Variants in NAA15 observed in about 807,000 individuals in gnomAD.
The protein encoded by NAA15 is N-alpha-acetyltransferase 15, NatA auxiliary subunit, also known as N-terminal acetyltransferase.
Under a neutral mutation model 114.0 loss-of-function variants are expected in NAA15, and 34 were observed. The ratio of observed to expected loss-of-function variants is 0.30; its 90% CI spans 0.23 to 0.40. The LOEUF (loss-of-function observed/expected upper bound fraction) is 0.40. NAA15 is among the 10% of genes least tolerant of loss of function. The pLI is 1.00. For missense variants in NAA15, 658 were observed against 1,004.5 expected, an observed-to-expected ratio of 0.66 and a Z score of 4.66; for synonymous variants, 340 against 338.0, an observed-to-expected ratio of 1.01 and a Z score of -0.06.
At chr4:139,322,890 C>T (rs929443619) in intron 1 of NAA15, among the ~76,000 whole-genome samples, 6 of 151,802 alleles carry the variant, frequency 4.0e-5, no homozygotes, top group South Asian at 4.1e-4. Context: ...TGGGTTTCAC[C>T]GTGTTGGCCA....
chr4:139,361,981 G>A (rs1205494324), intron 14 of NAA15, 44 bp downstream of exon 14: 5 of 1,339,670 alleles, frequency 3.7e-6, no homozygotes, highest in Non-Finnish European at 5.3e-6. Context: ...GTGTTTATGT[G>A]TATTTATGTG....
intron 6 of NAA15, 71 bp from the exon 7 acceptor site, chr4:139,349,391 G>C (rs987486877): frequency 7.6e-5 from 103 of 1,359,416 alleles, no homozygotes; most frequent in Non-Finnish European, 1.0e-4. Flanking sequence ...GAAATTTTGA[G>C]GAAAAGTTAA....
chr4:139,309,139 G>A (rs1746128875), intron 1 of NAA15, among the ~76,000 whole-genome samples: 1 of 151,322 alleles, frequency 6.6e-6, no homozygotes, highest in African/African-American at 2.4e-5. Flanking sequence ...CCTGAGGTCA[G>A]GAGTTAGAGA....
At chr4:139,329,078 T>C (rs1746909458) in intron 1 of NAA15, among the ~76,000 whole-genome samples, 1 of 151,410 alleles carries the variant, frequency 6.6e-6, no homozygotes, top group Admixed American at 6.6e-5. Flanking sequence ...GACAAGGTTT[T>C]GCCATGTTGG....
At chr4:139,319,741 T>C (rs1746537744) in intron 1 of NAA15, among the ~76,000 whole-genome samples, 1 of 152,154 alleles carries the variant, frequency 6.6e-6, no homozygotes, top group Non-Finnish European at 1.5e-5. Context: ...CCAAGTTCTA[T>C]TTCTTAATAT....
chr4:139,309,790 TC>T (rs1746156408), intron 1 of NAA15, among the ~76,000 whole-genome samples: 3 of 152,236 alleles, frequency 2.0e-5, no homozygotes, highest in African/African-American at 7.2e-5. Context: ...AGTTCAGTTT[TC>T]AATAGTAGTA....
chr4:139,330,652 G>A (rs1045904604), intron 1 of NAA15, among the ~76,000 whole-genome samples: 14 of 152,156 alleles, frequency 9.2e-5, no homozygotes, highest in African/African-American at 3.4e-4. Flanking sequence ...TGAAGACTTG[G>A]TGCAGAATAC....
rs543105879 is a variant in NAA15, at chr4:139,309,635, A to G, written c.54+7804A>G. 7.6e-4 allele frequency among the ~76,000 whole-genome samples: 115 copies of G among 152,198 alleles called. 1 individual carries two copies. The highest frequency in any genetic ancestry group is 3.4e-3 in the Middle Eastern group (1 of 294). On this transcript the variant is annotated intron_variant, in intron 1 of 19. Coordinates refer to ENST00000296543, the MANE Select transcript of NAA15 (RefSeq NM_057175.5). ...TGAGATGCAGTATGAATGAACAAAT[A>G]TATGTTTTTGTTTTAAACTGACAGC...
rs1748735163 is a variant in NAA15 at position 139,380,951 on chromosome 4, A to G, written c.2155+2097A>G. Among the ~76,000 whole-genome samples the G allele has an allele frequency of 2.6e-5, 4 of 152,334 alleles. No individual in the cohort carries two copies. In the South Asian group the frequency reaches 8.3e-4, roughly 32 times the overall value. On this transcript the variant is annotated intron_variant, in intron 17 of 19. Transcript: ENST00000296543. ...TTTAGAAGTAATTTCTCAGGAATACATTTGTCATGTTAAGATATACTGTTG... is the reference window on the plus strand; with the variant it reads ...TTTAGAAGTAATTTCTCAGGAATACGTTTGTCATGTTAAGATATACTGTTG...
chr4:139,338,620 G>C (rs1228075765), intron 3 of NAA15, among the ~76,000 whole-genome samples: 2 of 152,098 alleles, frequency 1.3e-5, no homozygotes, highest in African/African-American at 4.8e-5. Context: ...GCTAATTTTT[G>C]TATTTTTAGT....
intron 1 of NAA15, among the ~76,000 whole-genome samples, chr4:139,302,747 T>C (rs951214703): frequency 1.3e-5 from 2 of 152,248 alleles, no homozygotes; most frequent in Non-Finnish European, 2.9e-5. Context: ...ACGGTTCAAA[T>C]GTGTGCAGTT....
intron 17 of NAA15, among the ~76,000 whole-genome samples, chr4:139,384,313 C>CA (rs1026145226): frequency 1.3e-5 from 2 of 151,902 alleles, no homozygotes; most frequent in Admixed American, 6.6e-5. Flanking sequence ...CCTGTCTCTA[C>CA]AAAAAAATAG....
intron 14 of NAA15, among the ~76,000 whole-genome samples, chr4:139,367,802 T>C (rs1284107735): frequency 6.6e-6 from 1 of 152,220 alleles, no homozygotes; most frequent in Non-Finnish European, 1.5e-5. Context: ...TTCTTTAGTT[T>C]CTTTGTCCTC....
chr4:139,340,897 A>G lies in NAA15; in HGVS notation c.245-15A>G. On this transcript the variant is annotated splice_polypyrimidine_tract_variant and intron_variant, in intron 3 of 19. Coordinates refer to ENST00000296543, the MANE Select transcript of NAA15 (RefSeq NM_057175.5). Reference sequence around the variant, plus strand: ...TTTTTGACTTGTAGGTTGTACCCTTAACTAAATTCTTTAGGTTGGCACGTT... The same window carrying G: ...TTTTTGACTTGTAGGTTGTACCCTTGACTAAATTCTTTAGGTTGGCACGTT... The G allele has an allele frequency of 6.5e-7, 1 of 1,531,694 alleles. No individual in the cohort carries two copies. 94.9% of individuals were successfully genotyped at this position (1,531,694 alleles called of 1,614,324 possible).
chr4:139,328,573 C>CTTTT (rs56025831), intron 1 of NAA15, among the ~76,000 whole-genome samples: 1 of 132,416 alleles, frequency 7.6e-6, no homozygotes, highest in Non-Finnish European at 1.6e-5. Flanking sequence ...TCTTTCTTTT[C>CTTTT]TTTTTTTTTT....
At position 139,338,324 on chromosome 4, in the gene NAA15, G is replaced by A. The variant is rs573458394; in HGVS notation, c.244+1372G>A. The stretch of plus-strand genomic sequence containing the variant: ...AGTTGCACTTTGTCATTTGTATTAC[G>A]GAAATCAAGATTATTTTTCAAATAA... On this transcript the variant is annotated intron_variant, in intron 3 of 19. Transcript: ENST00000296543. Among the ~76,000 whole-genome samples, 121 of 152,264 alleles carry A rather than the reference G, an allele frequency of 7.9e-4. 1 individual carries two copies. Among genetic ancestry groups the A allele is most frequent in the Admixed American group, 3.4e-3 (52 of 15,298 alleles).
At chr4:139,374,381 T>C (rs1298012656) in intron 15 of NAA15, among the ~76,000 whole-genome samples, 1 of 152,130 alleles carries the variant, frequency 6.6e-6, no homozygotes, top group Non-Finnish European at 1.5e-5. Context: ...ATCCAGTATT[T>C]CCCTCAGTGA....
At chr4:139,371,061 C>T (rs903289491) in intron 15 of NAA15, among the ~76,000 whole-genome samples, 3 of 152,118 alleles carry the variant, frequency 2.0e-5, no homozygotes, top group African/African-American at 7.2e-5. Flanking sequence ...TTTCTTTTGA[C>T]CCTAGACATC....
At chr4:139,341,111 A>G (rs1747370687) in intron 4 of NAA15, 42 bp downstream of exon 4, 1 of 1,332,454 alleles carries the variant, frequency 7.5e-7, no homozygotes, top group African/African-American at 1.5e-5. Context: ...CTAAGGGGAA[A>G]ATATGTACAA....
Sources: gnomAD v4.1 joint callset for allele counts (sites outside exome capture counted in the v4.1 genomes callset) on GRCh38, gnomAD v4.1.1 for gene constraint, MANE v1.5 for transcripts, NCBI Gene and HGNC (gene_info 2026-07-23, HGNC 2026-07-21) for gene names.